Variants in SLC9A6 observed in about 807,000 individuals in gnomAD.
The protein encoded by SLC9A6 is solute carrier family 9 member A6.
Under a neutral mutation model 45.3 loss-of-function variants are expected in SLC9A6, and 6 were observed. The ratio of observed to expected loss-of-function variants is 0.13; its 90% CI spans 0.07 to 0.26. SLC9A6 has a LOEUF of 0.26. Among genes scored for constraint, SLC9A6 ranks in the 10% least tolerant of loss-of-function variants. The probability of loss-of-function intolerance (pLI) is 1.00; values close to 1 mark genes in which losing one functional copy is unlikely to be tolerated. For missense variants in SLC9A6, 278 were observed against 503.7 expected, an observed-to-expected ratio of 0.55 and a Z score of 4.29; for synonymous variants, 191 against 187.7, an observed-to-expected ratio of 1.02 and a Z score of -0.14.
intron 13 of SLC9A6, among the ~76,000 whole-genome samples, chrX:136,026,715 T>C (rs930751960): frequency 1.8e-5 from 2 of 111,239 alleles, no homozygotes; most frequent in Non-Finnish European, 3.8e-5. Context: ...TTTGTATTTT[T>C]AGTAGATATG....
intron 16 of SLC9A6, 112 bp downstream of exon 16, chrX:136,033,605 CTTTCA>C: frequency 5.0e-6 from 2 of 401,618 alleles, no homozygotes; most frequent in Non-Finnish European, 8.9e-6. Context: ...TAAAACCTAC[CTTTCA>C]TCTTCCCTTT....
intron 11 of SLC9A6, among the ~76,000 whole-genome samples, chrX:136,017,651 T>G (rs782622329): frequency 4.5e-5 from 5 of 111,535 alleles, no homozygotes; most frequent in Non-Finnish European, 9.4e-5. Context: ...CTCTGATGGC[T>G]TCTATGTTTA....
At chrX:135,977,700 C>G (rs782174311) in intron 1 of SLC9A6, among the ~76,000 whole-genome samples, 2 of 110,959 alleles carry the variant, frequency 1.8e-5, no homozygotes, top group East Asian at 5.6e-4. Flanking sequence ...AAATCGCATC[C>G]TGTTTACTTT....
At chrX:136,012,885 C>T (rs1413879556) in intron 8 of SLC9A6, 64 bp from the exon 9 acceptor site, 3 of 836,309 alleles carry the variant, frequency 3.6e-6, no homozygotes, top group Non-Finnish European at 5.4e-6. Context: ...CTTGCTTAAA[C>T]TGTTATTTTT....
At chrX:136,033,606 T>TC (rs2071365495) in intron 16 of SLC9A6, 113 bp downstream of exon 16, 5 of 402,498 alleles carry the variant, frequency 1.2e-5, no homozygotes, top group Admixed American at 6.1e-5. Context: ...AAAACCTACC[T>TC]TTCATCTTCC....
intron 11 of SLC9A6, among the ~76,000 whole-genome samples, chrX:136,017,196 G>C (rs782638396): frequency 6.1e-4 from 67 of 109,386 alleles, no homozygotes; most frequent in African/African-American, 2.2e-3. Context: ...TATATACAAA[G>C]AGTCTTATAA....
At chrX:136,017,768 A>G (rs2071048251) in intron 11 of SLC9A6, among the ~76,000 whole-genome samples, 1 of 111,870 alleles carries the variant, frequency 8.9e-6, no homozygotes, top group Non-Finnish European at 1.9e-5. Flanking sequence ...GACAGTTATT[A>G]TCTCACACAG....
At chrX:136,008,533 G>T (rs781845839) in intron 7 of SLC9A6, among the ~76,000 whole-genome samples, 14 of 112,478 alleles carry the variant, frequency 1.2e-4, no homozygotes, top group African/African-American at 4.2e-4. Context: ...GAGCCACTGC[G>T]TCCGGCCAAG....
chrX:135,997,246 G>A (rs1444698603), intron 3 of SLC9A6, among the ~76,000 whole-genome samples: 1 of 108,860 alleles, frequency 9.2e-6, no homozygotes, highest in Non-Finnish European at 1.9e-5. Context: ...AAAAGAGATG[G>A]GGTTTTGCCA....
intron 16 of SLC9A6, among the ~76,000 whole-genome samples, chrX:136,037,891 G>T (rs116445349): frequency 0.011 from 1,195 of 112,486 alleles, 5 homozygotes; most frequent in African/African-American, 0.014. Flanking sequence ...TTTATATATG[G>T]ACCTTGGGTC....
At chrX:136,016,604 A>G in intron 10 of SLC9A6, 41 bp from the exon 11 acceptor site, 1 of 723,479 alleles carries the variant, frequency 1.4e-6, no homozygotes. Context: ...CAAATTATGT[A>G]ACTTTATTTG....
intron 7 of SLC9A6, among the ~76,000 whole-genome samples, chrX:136,008,695 G>A (rs2070865735): frequency 8.9e-6 from 1 of 112,257 alleles, no homozygotes. Flanking sequence ...TATCAGGGTA[G>A]TGGAATGATG....
chrX:136,016,802 A>G (rs782521605), intron 11 of SLC9A6, 44 bp downstream of exon 11: 5 of 754,110 alleles, frequency 6.6e-6, no homozygotes, highest in Non-Finnish European at 8.1e-6. Flanking sequence ...TTTTTAATTG[A>G]GATTTTCATG....
intron 6 of SLC9A6, among the ~76,000 whole-genome samples, chrX:135,999,408 A>T (rs1276142513): frequency 8.9e-6 from 1 of 112,068 alleles, no homozygotes; most frequent in Non-Finnish European, 1.9e-5. Context: ...TTTAACAGTA[A>T]GAAAAAATGT....
At chrX:135,985,195 T>C, upstream of SLC9A6, 1 of 228,857 alleles carries the variant, frequency 4.4e-6, no homozygotes, top group Non-Finnish European at 7.8e-6. Flanking sequence ...GAGAATAGGA[T>C]CAAAGTAGAA....
At chrX:136,038,979 C>A (rs1367805308) in intron 16 of SLC9A6, among the ~76,000 whole-genome samples, 1 of 110,738 alleles carries the variant, frequency 9.0e-6, no homozygotes, top group African/African-American at 3.3e-5. Context: ...GTGTTTTAAT[C>A]TTTACTTAGA....
Position 135,998,520 on chromosome X carries a change from C to T in SLC9A6, c.486C>T (p.Tyr162=), listed in dbSNP as rs782176162. 1.4e-5 allele frequency: 17 copies of T among 1,188,581 alleles called. No individual in the cohort carries two copies. In the East Asian group the frequency reaches 3.9e-4, roughly 27 times the overall value. The part of the protein sequence containing the change: ...FFRNLGSILA[Y]AFLGTAISCF... ...GAAATCTTGGGTCTATCCTAGCATA[C>T]GCTTTTCTTGGAACAGCAATTTCTT... The change falls in exon 5 of 18, where the codon TAC becomes TAT. Residue 162 remains tyrosine, a synonymous_variant. Coordinates refer to ENST00000630721, the MANE Select transcript of SLC9A6 (RefSeq NM_001379110.1).
intron 16 of SLC9A6, among the ~76,000 whole-genome samples, chrX:136,035,328 A>T (rs1603220913): frequency 1.8e-5 from 2 of 112,269 alleles, no homozygotes; most frequent in South Asian, 3.7e-4. Context: ...ACAAATGAAC[A>T]TTCTCTATCC....
rs1351620970 is a variant in SLC9A6, at chrX:135,988,498, TTTTC to T, written c.169+2685_169+2688del. On this transcript the variant is annotated intron_variant, in intron 2 of 17. Transcript: ENST00000630721. ...TTTTCTTTCTTTCTTTCTTTCTTTC[TTTTC>T]TTTCTTTCTTTCTCTCTCTTTCTTT... Among the ~76,000 whole-genome samples the T allele has an allele frequency of 2.2e-3, 226 of 105,066 alleles. 1 individual carries two copies. The highest frequency in any genetic ancestry group is 7.1e-3 in the African/African-American group (196 of 27,790). The allele number at this position is 105,066 out of a possible 115,157, so 91.2% of individuals were successfully genotyped here. A position where few individuals can be genotyped will look rare whatever the true frequency, so the allele number is the denominator to read the frequency against.
Sources: allele counts gnomAD v4.1 joint callset (sites outside exome capture counted in the v4.1 genomes callset), GRCh38; gene constraint gnomAD v4.1.1; transcripts MANE v1.5; gene names NCBI Gene and HGNC (gene_info 2026-07-23, HGNC 2026-07-21).